Variants in RYR3 observed in about 807,000 individuals in gnomAD.
The protein encoded by RYR3 is ryanodine receptor 3, also known as brain ryanodine receptor-calcium release channel.
Under a neutral mutation model 584.3 loss-of-function variants are expected in RYR3, and 207 were observed. That is an observed-to-expected ratio of 0.35 (90% CI 0.32 to 0.40). The LOEUF is 0.40. Among genes scored for constraint, RYR3 ranks in the 10% least tolerant of loss-of-function variants. RYR3 has a pLI of 1.00. For missense variants in RYR3, 5,616 were observed against 6,089.2 expected (o/e 0.92, Z 2.59); for synonymous variants, 2,416 against 2,248.5 (o/e 1.07, Z -2.11).
At chr15:33,351,618 T>C (rs1330376087) in intron 1 of RYR3, among the ~76,000 whole-genome samples, 1 of 150,214 alleles carries the variant, frequency 6.7e-6, no homozygotes, top group African/African-American at 2.5e-5. Context: ...TGCAAATCAA[T>C]AAATGTAATC....
At chr15:33,683,182 G>C (rs2064752841) in intron 38 of RYR3, among the ~76,000 whole-genome samples, 1 of 151,980 alleles carries the variant, frequency 6.6e-6, no homozygotes, top group African/African-American at 2.4e-5. Context: ...TTTTAGTAGA[G>C]ATGGGGTTTC....
intron 85 of RYR3, 70 bp downstream of exon 85, chr15:33,827,357 G>A (rs2077431648): frequency 1.4e-6 from 2 of 1,382,454 alleles, no homozygotes; most frequent in African/African-American, 1.4e-5. Flanking sequence ...AGTTACACAG[G>A]GTCAGGGACA....
At chr15:33,713,660 A>C (rs973493323) in intron 43 of RYR3, among the ~76,000 whole-genome samples, 1 of 152,240 alleles carries the variant, frequency 6.6e-6, no homozygotes, top group Non-Finnish European at 1.5e-5. Flanking sequence ...TCAGGCTGCC[A>C]TAACAAAATA....
At position 33,599,030 on chromosome 15, in the gene RYR3, G is replaced by T. The variant is rs149433435; in HGVS notation, c.1789-2389G>T. 2.1e-3 allele frequency among the ~76,000 whole-genome samples: 316 copies of T among 150,736 alleles called. 1 individual carries two copies. The highest frequency in any genetic ancestry group is 3.8e-3 in the Non-Finnish European group (255 of 67,838). On this transcript the variant is annotated intron_variant, in intron 16 of 103. Transcript: ENST00000634891. ...AGATCGAGCCACCGAACTCCAGCCTGGGAGACAGAGCGAGACTCCGTCTCC... is the reference window on the plus strand; with the variant it reads ...AGATCGAGCCACCGAACTCCAGCCTTGGAGACAGAGCGAGACTCCGTCTCC...
chr15:33,521,094 G>A (rs2053946769), intron 3 of RYR3, among the ~76,000 whole-genome samples: 1 of 150,808 alleles, frequency 6.6e-6, no homozygotes, highest in Non-Finnish European at 1.5e-5. Context: ...CCATCCAGGG[G>A]ATCTTCCTAC....
chr15:33,839,462 C>T (rs1442463541), intron 89 of RYR3, among the ~76,000 whole-genome samples: 1 of 152,148 alleles, frequency 6.6e-6, no homozygotes, highest in Admixed American at 6.5e-5. Flanking sequence ...TGTCAGTCAA[C>T]AAGATTAAGT....
intron 1 of RYR3, among the ~76,000 whole-genome samples, chr15:33,443,662 T>G (rs2046402039): frequency 1.3e-5 from 2 of 152,176 alleles, no homozygotes; most frequent in African/African-American, 4.8e-5. Context: ...TTTATTGTTT[T>G]ACAAGACATG....
intron 38 of RYR3, among the ~76,000 whole-genome samples, chr15:33,672,949 C>T (rs1293758611): frequency 1.3e-5 from 2 of 152,116 alleles, no homozygotes; most frequent in East Asian, 1.9e-4. Context: ...GAAAAACGTC[C>T]GGGTGTCTGA....
At chr15:33,839,015 A>C in intron 89 of RYR3, 57 bp downstream of exon 89, 1 of 1,552,898 alleles carries the variant, frequency 6.4e-7, no homozygotes, top group South Asian at 1.3e-5. Flanking sequence ...ACTTGCCACC[A>C]TATCTTGTAA....
At chr15:33,402,465 G>A (rs1462879493) in intron 1 of RYR3, among the ~76,000 whole-genome samples, 1 of 152,232 alleles carries the variant, frequency 6.6e-6, no homozygotes, top group Non-Finnish European at 1.5e-5. Flanking sequence ...GCATGAATCA[G>A]GTGCTTGTTG....
Position 33,845,032 on chromosome 15 carries a change from A to C in RYR3, c.13467A>C (p.Leu4489=). Residue 4489 remains leucine (L), a synonymous_variant, in exon 93 of 104, where the codon CTA becomes CTC. Coordinates refer to ENST00000634891, the MANE Select transcript of RYR3 (RefSeq NM_001036.6). The part of the protein sequence containing the change: ...ALAIIHTIIS[L]VCVVGYYCLK... ...CCATCATCCATACCATCATCTCTCT[A>C]GTCTGTGTGGTGGGCTACTACTGCC... The C allele has an allele frequency of 6.2e-7, 1 of 1,613,982 alleles. No individual in the cohort carries two copies. Among genetic ancestry groups the C allele is most frequent in the Non-Finnish European group, 8.5e-7 (1 of 1,179,884 alleles).
At chr15:33,410,812 A>G (rs571537210) in intron 1 of RYR3, among the ~76,000 whole-genome samples, 1 of 152,336 alleles carries the variant, frequency 6.6e-6, no homozygotes, top group Admixed American at 6.5e-5. Context: ...TAATTTATAA[A>G]GGAAAGAGGT....
intron 48 of RYR3, among the ~76,000 whole-genome samples, chr15:33,733,922 T>A (rs2069176327): frequency 6.6e-6 from 1 of 152,106 alleles, no homozygotes; most frequent in Non-Finnish European, 1.5e-5. Flanking sequence ...TACAAAACAG[T>A]TTTAAAATGT....
intron 3 of RYR3, among the ~76,000 whole-genome samples, chr15:33,530,011 A>G (rs1208545633): frequency 1.3e-4 from 20 of 152,150 alleles, no homozygotes; most frequent in Admixed American, 1.2e-3. Context: ...AGATACCTAG[A>G]TGGTCTCTCA....
At chr15:33,616,583 T>C (rs1327529233) in intron 19 of RYR3, among the ~76,000 whole-genome samples, 3 of 152,214 alleles carry the variant, frequency 2.0e-5, no homozygotes. Flanking sequence ...GAGGCACAAC[T>C]GCTGAGGAAA....
rs115531715 is a variant in RYR3 at position 33,829,059 on chromosome 15, G to A, written c.11334+1772G>A. Among the ~76,000 whole-genome samples the A allele has an allele frequency of 5.0e-3, 765 of 152,112 alleles. 10 individuals carry two copies. The highest frequency in any genetic ancestry group is 0.018 in the African/African-American group (742 of 41,490). On this transcript the variant is annotated intron_variant, in intron 85 of 103. Transcript: ENST00000634891. ...AAATCCTAGGGCCCTTAAGAATTAT[G>A]GTAAATCTACTCTGCCCATGCTCTA...
intron 87 of RYR3, among the ~76,000 whole-genome samples, chr15:33,835,326 G>C (rs1012990622): frequency 6.8e-6 from 1 of 146,404 alleles, no homozygotes; most frequent in Non-Finnish European, 1.5e-5. Context: ...CCTTATTATT[G>C]CCTCAACATT....
At chr15:33,491,269 C>G (rs975207859) in intron 2 of RYR3, among the ~76,000 whole-genome samples, 3 of 152,188 alleles carry the variant, frequency 2.0e-5, no homozygotes, top group Non-Finnish European at 4.4e-5. Flanking sequence ...CAAACTTACC[C>G]ACATTCTGTC....
chr15:33,359,833 G>T (rs796533968), intron 1 of RYR3, among the ~76,000 whole-genome samples: 8 of 151,974 alleles, frequency 5.3e-5, no homozygotes, highest in African/African-American at 1.9e-4. Flanking sequence ...GTGTTAGCCA[G>T]GATGGTCTCG....
Sources: gnomAD v4.1 joint callset for allele counts (sites outside exome capture counted in the v4.1 genomes callset) on GRCh38, gnomAD v4.1.1 for gene constraint, MANE v1.5 for transcripts, NCBI Gene and HGNC (gene_info 2026-07-23, HGNC 2026-07-21) for gene names.